The following KIFC3 variants were observed in gnomAD, a reference collection of about 807,000 sequenced individuals.
The protein encoded by KIFC3 is kinesin-like protein KIFC3.
KIFC3 carries 60 observed loss-of-function variants against 101.8 expected under a neutral mutation model. The observed-to-expected ratio is 0.59, with a 90% confidence interval of 0.48 to 0.73. The LOEUF (loss-of-function observed/expected upper bound fraction) is 0.73, where lower values mean the gene tolerates loss of function less well. KIFC3 is among the 30% of genes least tolerant of loss of function. The pLI, the probability that KIFC3 is intolerant of heterozygous loss-of-function variation, is 0.00. For missense variants in KIFC3, 966 were observed against 1,137.1 expected, an observed-to-expected ratio of 0.85 and a Z score of 2.16; for synonymous variants, 476 against 482.7, an observed-to-expected ratio of 0.99 and a Z score of 0.18.
chr16:57,801,937 C>T (rs2054753678), intron 1 of KIFC3, among the ~76,000 whole-genome samples: 2 of 152,214 alleles, frequency 1.3e-5, no homozygotes, highest in South Asian at 2.1e-4. Context: ...CCGCCCCAGG[C>T]CCTGCCAGGG....
chr16:57,832,312 C>T (rs561889843), intron 1 of KIFC3, among the ~76,000 whole-genome samples: 13 of 135,722 alleles, frequency 9.6e-5, no homozygotes, highest in African/African-American at 8.2e-5. Context: ...TGAGCCACGG[C>T]GCCAGGCCCT....
At position 57,762,267 on chromosome 16, in the gene KIFC3, T is replaced by C; in HGVS notation, c.1621A>G (p.Thr541Ala). The C allele has an allele frequency of 6.4e-7, 1 of 1,560,524 alleles. No homozygotes were observed. The highest frequency in any genetic ancestry group is 8.7e-7 in the Non-Finnish European group (1 of 1,152,798). The change falls in exon 13 of 20, where the codon ACC becomes GCC. Residue 541 changes from threonine to alanine, a missense_variant. Thr to Ala is a moderately conservative substitution (Grantham distance 58). This residue lies in a region of KIFC3 where 689 missense variants were observed against 884.6 expected (regional missense o/e 0.78). Transcript: ENST00000445690. The part of the protein sequence containing the change: ...GAGKTYTMEG[T>A]AENPGINQRA... ...TGGTTGATACCTGGGTTCTCAGCGGTCCCCTGGGGACAGAAGGAAAGGCCC... is the reference window on the plus strand; with the variant it reads ...TGGTTGATACCTGGGTTCTCAGCGGCCCCCTGGGGACAGAAGGAAAGGCCC...
intron 1 of KIFC3, among the ~76,000 whole-genome samples, chr16:57,815,089 TG>T (rs1317799366): frequency 6.6e-6 from 1 of 152,322 alleles, no homozygotes; most frequent in Non-Finnish European, 1.5e-5. Context: ...CTGTCCAGGC[TG>T]GGGTGATACC....
At chr16:57,790,605 C>T (rs1363655955) in intron 3 of KIFC3, among the ~76,000 whole-genome samples, 2 of 152,130 alleles carry the variant, frequency 1.3e-5, no homozygotes, top group Non-Finnish European at 2.9e-5. Context: ...AAGTTGCTTA[C>T]CTTCTTGAAG....
intron 3 of KIFC3, chr16:57,775,318 A>G: frequency 8.4e-7 from 1 of 1,191,884 alleles, no homozygotes; most frequent in Non-Finnish European, 1.0e-6. Flanking sequence ...GAGGGCAGCA[A>G]AGCAGGGGGA....
chr16:57,795,504 G>A lies in KIFC3; in HGVS notation c.173-363C>T, dbSNP rs114893126. 5.3e-3 allele frequency among the ~76,000 whole-genome samples: 801 copies of A among 152,352 alleles called. 3 individuals are homozygous for A. Among genetic ancestry groups the A allele is most frequent in the African/African-American group, 0.018 (738 of 41,586 alleles). On this transcript the variant is annotated intron_variant, in intron 2 of 19. Coordinates refer to ENST00000445690, the MANE Select transcript of KIFC3 (RefSeq NM_001130100.2). ...AGCCTGCATGAAGCTTTGAGGACTT[G>A]CACAGGGGCTATGGCTTTATTACCC...
At chr16:57,861,640 C>T (rs1596922431) in intron 1 of KIFC3, among the ~76,000 whole-genome samples, 1 of 152,034 alleles carries the variant, frequency 6.6e-6, no homozygotes, top group East Asian at 1.9e-4. Context: ...GCCAGAAGGG[C>T]AAAAGGGAGC....
intron 1 of KIFC3, among the ~76,000 whole-genome samples, chr16:57,839,379 A>C (rs1312138177): frequency 6.6e-6 from 1 of 150,938 alleles, no homozygotes; most frequent in African/African-American, 2.5e-5. Flanking sequence ...ATCTCTACAA[A>C]AAGGAAAAAA....
At chr16:57,859,132 C>G (rs540993823) in intron 1 of KIFC3, among the ~76,000 whole-genome samples, 53 of 152,198 alleles carry the variant, frequency 3.5e-4, no homozygotes, top group Admixed American at 1.4e-3. Flanking sequence ...ATACATAGGA[C>G]CATATCCACC....
chr16:57,847,250 GGAAGGAAGGAAGGA>G (rs2055944033), intron 1 of KIFC3, among the ~76,000 whole-genome samples: 1 of 105,082 alleles, frequency 9.5e-6, no homozygotes, highest in Non-Finnish European at 1.8e-5. Flanking sequence ...AAGGAAGGAA[GGAAGGAAGGAAGGA>G]AGGAAGGGAA....
Position 57,823,759 on chromosome 16 carries a change from CTTTG to C in KIFC3, c.109-25481_109-25478del, listed in dbSNP as rs782207227. On this transcript the variant is annotated intron_variant, in intron 1 of 2. Coordinates refer to the KIFC3 transcript ENST00000563028. The stretch of plus-strand genomic sequence containing the variant: ...AGGTGTGCACCACCACACCCGGCTA[CTTTG>C]TGTGTGTGTGTGTGTGTGTGTGTGT... Among the ~76,000 whole-genome samples, 82 of 54,770 alleles carry C rather than the reference CTTTG, an allele frequency of 1.5e-3. 1 individual carries two copies. In the Middle Eastern group the frequency reaches 0.052, roughly 35 times the overall value. 35.9% of individuals were successfully genotyped at this position (54,770 alleles called of 152,430 possible).
chr16:57,849,411 C>T (rs192369714), intron 1 of KIFC3, among the ~76,000 whole-genome samples: 83 of 152,284 alleles, frequency 5.5e-4, no homozygotes, highest in Non-Finnish European at 6.0e-4. Flanking sequence ...GTATCTGTGA[C>T]GGCCTTTACT....
At chr16:57,784,972 T>C (rs1316618462) in intron 3 of KIFC3, among the ~76,000 whole-genome samples, 1 of 152,092 alleles carries the variant, frequency 6.6e-6, no homozygotes, top group Non-Finnish European at 1.5e-5. Flanking sequence ...AGAGATCCCT[T>C]CCCCAACATG....
chr16:57,843,936 TG>T (rs1309231853), intron 1 of KIFC3, among the ~76,000 whole-genome samples: 2 of 149,816 alleles, frequency 1.3e-5, no homozygotes, highest in African/African-American at 4.9e-5. Context: ...GGTAAAACCC[TG>T]TCTCTACTAA....
intron 1 of KIFC3, among the ~76,000 whole-genome samples, chr16:57,855,964 AAAACAAAAAC>A (rs1265944033): frequency 6.6e-6 from 1 of 151,388 alleles, no homozygotes; most frequent in African/African-American, 2.4e-5. Flanking sequence ...AAAAAAACCA[AAAACAAAAAC>A]AAACTAACAA....
At chr16:57,852,369 T>C (rs1313849291) in intron 1 of KIFC3, among the ~76,000 whole-genome samples, 6 of 152,138 alleles carry the variant, frequency 3.9e-5, no homozygotes, top group African/African-American at 1.4e-4. Context: ...CCCCACCTCC[T>C]GCCTCATCAT....
At chr16:57,797,481 A>C (rs1261632475) in intron 2 of KIFC3, among the ~76,000 whole-genome samples, 1 of 152,194 alleles carries the variant, frequency 6.6e-6, no homozygotes, top group East Asian at 1.9e-4. Flanking sequence ...GCGAGCTGGC[A>C]CTGACAGCTC....
chr16:57,840,789 A>T (rs2055789693), intron 1 of KIFC3, among the ~76,000 whole-genome samples: 1 of 151,868 alleles, frequency 6.6e-6, no homozygotes, highest in South Asian at 2.1e-4. Flanking sequence ...GTTAAAATAA[A>T]CCTAGCACAG....
At chr16:57,770,929 T>TG (rs2051099231) in intron 6 of KIFC3, among the ~76,000 whole-genome samples, 1 of 152,284 alleles carries the variant, frequency 6.6e-6, no homozygotes, top group Middle Eastern at 3.4e-3. Context: ...GGCCCCATCC[T>TG]GGGTACAGAC....
Sources: gnomAD v4.1 joint callset for allele counts (sites outside exome capture counted in the v4.1 genomes callset) on GRCh38, gnomAD v4.1.1 for gene constraint, gnomAD v4.1.1 regional missense constraint, MANE v1.5 for transcripts, NCBI Gene and HGNC (gene_info 2026-07-23, HGNC 2026-07-21) for gene names.